The following DAPK1 variants were observed in gnomAD, a reference collection of about 807,000 sequenced individuals.
DAPK1 encodes death-associated protein kinase 1.
Under a neutral mutation model 144.9 loss-of-function variants are expected in DAPK1, and 56 were observed. That is an observed-to-expected ratio of 0.39 (90% CI 0.31 to 0.48). DAPK1 has a LOEUF of 0.48. Ranked by LOEUF, DAPK1 falls within the 20% of genes least tolerant of loss-of-function variation. DAPK1 has a pLI of 0.95. For synonymous variants in DAPK1, 690 were observed against 749.0 expected (o/e 0.92, Z 1.29); for missense variants, 1,454 against 1,875.4 (o/e 0.78, Z 4.15).
At chr9:87,515,772 G>A (rs886239592) in intron 2 of DAPK1, among the ~76,000 whole-genome samples, 9 of 152,308 alleles carry the variant, frequency 5.9e-5, no homozygotes, top group East Asian at 1.9e-4. Context: ...AGGGGACCAC[G>A]TGGGTAACAG....
chr9:87,696,768 C>G (rs1825274173), intron 21 of DAPK1, among the ~76,000 whole-genome samples: 1 of 152,154 alleles, frequency 6.6e-6, no homozygotes, highest in South Asian at 2.1e-4. Flanking sequence ...GGGATTTGCA[C>G]TTAGGACCCA....
Position 87,537,214 on chromosome 9 carries a change from C to T in DAPK1, c.62+38075C>T, listed in dbSNP as rs1160870386. 2.0e-5 allele frequency among the ~76,000 whole-genome samples: 3 copies of T among 152,148 alleles called. No homozygotes were observed. The South Asian group carries it at 6.2e-4, about 32-fold the overall frequency. ...TGTTGGCCAGGCTTGTCTCGAACTC[C>T]TGCCCTCGTTATCCTCCTGCCTTGG... is the stretch of plus-strand genomic sequence containing the variant. On this transcript the variant is annotated intron_variant, in intron 2 of 25. Coordinates refer to ENST00000408954, the MANE Select transcript of DAPK1 (RefSeq NM_004938.4).
At chr9:87,535,438 AGT>A (rs1341179164) in intron 2 of DAPK1, among the ~76,000 whole-genome samples, 4 of 152,198 alleles carry the variant, frequency 2.6e-5, no homozygotes. Context: ...CTAAGCTTTG[AGT>A]GTGATTAAAA....
intron 19 of DAPK1, among the ~76,000 whole-genome samples, chr9:87,678,046 C>G (rs931518857): frequency 6.6e-6 from 1 of 152,160 alleles, no homozygotes; most frequent in African/African-American, 2.4e-5. Context: ...TATCAAGACC[C>G]CCAGTCCTTT....
intron 2 of DAPK1, among the ~76,000 whole-genome samples, chr9:87,556,719 G>A (rs968389873): frequency 2.0e-5 from 3 of 152,188 alleles, no homozygotes; most frequent in Non-Finnish European, 2.9e-5. Context: ...CCAGGAGCTC[G>A]CTGGAGAACA....
intron 2 of DAPK1, among the ~76,000 whole-genome samples, chr9:87,590,366 C>T (rs1299817193): frequency 7.3e-6 from 1 of 136,676 alleles, no homozygotes; most frequent in Non-Finnish European, 1.5e-5. Flanking sequence ...AGATCATTGG[C>T]CTCAAAAAAA....
chr9:87,699,849 A>G (rs1825398632), intron 23 of DAPK1, among the ~76,000 whole-genome samples: 1 of 152,150 alleles, frequency 6.6e-6, no homozygotes, highest in Non-Finnish European at 1.5e-5. Context: ...AGAAGCTGAC[A>G]TCTTTCCATG....
chr9:87,528,510 G>T (rs921490626), intron 2 of DAPK1, among the ~76,000 whole-genome samples: 1 of 152,016 alleles, frequency 6.6e-6, no homozygotes, highest in Non-Finnish European at 1.5e-5. Flanking sequence ...GAGCCACCAC[G>T]CCCGGCCTAC....
intron 1 of DAPK1, among the ~76,000 whole-genome samples, 180 bp from the exon 2 acceptor site, chr9:87,498,790 A>C (rs1190388996): frequency 6.6e-6 from 1 of 151,784 alleles, no homozygotes; most frequent in African/African-American, 2.4e-5. Context: ...CGCGGGGCTG[A>C]GGGGTCGGGG....
intron 18 of DAPK1, chr9:87,667,713 A>AG (rs1564059637): frequency 7.2e-5 from 4 of 55,874 alleles, no homozygotes; most frequent in East Asian, 1.3e-3. Flanking sequence ...CTTTTTTATT[A>AG]AAAAAAAACA....
intron 2 of DAPK1, among the ~76,000 whole-genome samples, chr9:87,587,387 C>T (rs1220754284): frequency 6.6e-6 from 1 of 152,160 alleles, no homozygotes; most frequent in East Asian, 1.9e-4. Context: ...AAGTACTGGT[C>T]TTGCATGATC....
At chr9:87,602,780 C>T (rs540808401) in intron 2 of DAPK1, among the ~76,000 whole-genome samples, 33 of 152,160 alleles carry the variant, frequency 2.2e-4, no homozygotes, top group South Asian at 1.7e-3. Context: ...ATTACAGGCA[C>T]GCGCCACCAC....
intron 17 of DAPK1, 116 bp from the exon 18 acceptor site, chr9:87,657,913 G>A: frequency 1.4e-6 from 1 of 704,760 alleles, no homozygotes; most frequent in South Asian, 1.5e-5. Context: ...AAGGGAGATG[G>A]CTCCTTCCTC....
chr9:87,671,136 A>G (rs959203262), intron 19 of DAPK1, among the ~76,000 whole-genome samples: 1 of 152,118 alleles, frequency 6.6e-6, no homozygotes, highest in Non-Finnish European at 1.5e-5. Context: ...TGCTTAGATG[A>G]CTGGCATAGT....
chr9:87,650,914 G>A lies in DAPK1; in HGVS notation c.1627-613G>A, dbSNP rs552487290. On this transcript the variant is annotated intron_variant, in intron 16 of 25. Transcript: ENST00000408954. ...CAAATGCCAATAGCGCTGAGGCTGAGAAACCCTAGCACAGTAGGTTTTAGA... is the reference window on the plus strand; with the variant it reads ...CAAATGCCAATAGCGCTGAGGCTGAAAAACCCTAGCACAGTAGGTTTTAGA... 2.8e-4 allele frequency among the ~76,000 whole-genome samples: 43 copies of A among 152,268 alleles called. 1 individual carries two copies. The South Asian group carries it at 8.5e-3, about 30-fold the overall frequency.
intron 2 of DAPK1, among the ~76,000 whole-genome samples, chr9:87,578,297 A>C (rs1827633885): frequency 6.6e-6 from 1 of 152,226 alleles, no homozygotes; most frequent in Non-Finnish European, 1.5e-5. Context: ...TTTTTAACCG[A>C]ATATTACATT....
At chr9:87,699,576 GTCTA>G (rs1379488147) in intron 23 of DAPK1, among the ~76,000 whole-genome samples, 1 of 152,014 alleles carries the variant, frequency 6.6e-6, no homozygotes, top group Admixed American at 6.5e-5. Context: ...TTTACTCAGA[GTCTA>G]TCAAAACAGT....
At chr9:87,613,960 G>A (rs932370598) in intron 3 of DAPK1, among the ~76,000 whole-genome samples, 3 of 152,126 alleles carry the variant, frequency 2.0e-5, no homozygotes, top group Non-Finnish European at 4.4e-5. Flanking sequence ...TCCACTTCTG[G>A]CATCCCGCTC....
In DAPK1 at chr9:87,668,581, C is replaced by T. The variant is rs1313222981; in HGVS notation, c.1924-16C>T. 1.7e-6 allele frequency: 2 copies of T among 1,172,372 alleles called. No individual in the cohort carries two copies. The highest frequency in any genetic ancestry group is 3.4e-5 in the Admixed American group (2 of 59,490). 72.6% of individuals were successfully genotyped at this position (1,172,372 alleles called of 1,614,324 possible). On this transcript the variant is annotated splice_polypyrimidine_tract_variant and intron_variant, in intron 18 of 25. Transcript: ENST00000408954. ...CCTTTTCAGAGAAAAGAAACTAATGCATTTTTCTCCAACAGGACGGAAAGA... is the reference window on the plus strand; with the variant it reads ...CCTTTTCAGAGAAAAGAAACTAATGTATTTTTCTCCAACAGGACGGAAAGA...
Sources: allele counts gnomAD v4.1 joint callset (sites outside exome capture counted in the v4.1 genomes callset), GRCh38; gene constraint gnomAD v4.1.1; transcripts MANE v1.5; gene names NCBI Gene and HGNC (gene_info 2026-07-23, HGNC 2026-07-21).